The following GALNT13 variants were observed in gnomAD, a reference collection of about 807,000 sequenced individuals.
GALNT13 encodes UDP-GalNAc:polypeptide N-acetylgalactosaminyltransferase 13.
In GALNT13, 28 loss-of-function variants were observed where a neutral mutation model predicts 64.2. The ratio of observed to expected loss-of-function variants is 0.44; its 90% confidence interval spans 0.32 to 0.60. The LOEUF (loss-of-function observed/expected upper bound fraction) is 0.60. GALNT13 is among the 20% of genes least tolerant of loss of function. GALNT13 has a pLI of 0.05. For missense variants in GALNT13, 577 were observed against 669.8 expected, an observed-to-expected ratio of 0.86 and a Z score of 1.53; for synonymous variants, 214 against 224.6, an observed-to-expected ratio of 0.95 and a Z score of 0.42.
At chr2:154,098,136 T>C (rs1702166115) in intron 3 of GALNT13, among the ~76,000 whole-genome samples, 1 of 149,912 alleles carries the variant, frequency 6.7e-6, no homozygotes, top group South Asian at 2.1e-4. Flanking sequence ...AATCTTAATG[T>C]ATCTGGAATG....
chr2:153,565,480 G>A, the GALNT13 span, among the ~76,000 whole-genome samples: 2 of 152,120 alleles, frequency 1.3e-5, no homozygotes, highest in Non-Finnish European at 2.9e-5. Flanking sequence ...ATGTATATGC[G>A]TGTGTGTATG....
At chr2:153,606,872 T>C in the GALNT13 span, among the ~76,000 whole-genome samples, 1 of 151,928 alleles carries the variant, frequency 6.6e-6, no homozygotes, top group Non-Finnish European at 1.5e-5. Flanking sequence ...CAGGTTTTTT[T>C]TTTTTTTTTT....
the GALNT13 span, among the ~76,000 whole-genome samples, chr2:153,857,560 C>T: frequency 1.3e-5 from 2 of 152,156 alleles, no homozygotes; most frequent in Non-Finnish European, 2.9e-5. Flanking sequence ...GCTTTAACCA[C>T]TTAGATCAAA....
upstream of GALNT13, among the ~76,000 whole-genome samples, chr2:153,870,452 A>G (rs1188141541): frequency 2.0e-5 from 3 of 152,060 alleles, no homozygotes; most frequent in East Asian, 3.9e-4. Context: ...TCAGTATGCC[A>G]TGTAGAGGTG....
chr2:153,881,719 T>C (rs1686797840), intron 1 of GALNT13, among the ~76,000 whole-genome samples: 1 of 152,192 alleles, frequency 6.6e-6, no homozygotes, highest in Non-Finnish European at 1.5e-5. Context: ...CTCAAATAAT[T>C]TTGAACTTCA....
intron 3 of GALNT13, among the ~76,000 whole-genome samples, chr2:153,963,731 C>CTGTGTGTG (rs58455059): frequency 9.9e-5 from 10 of 100,850 alleles, no homozygotes; most frequent in Admixed American, 2.2e-4. Context: ...CTCTCTCTCT[C>CTGTGTGTG]TGTGTGTGTG....
chr2:153,107,008 T>C, the GALNT13 span, among the ~76,000 whole-genome samples: 4 of 152,278 alleles, frequency 2.6e-5, no homozygotes, highest in African/African-American at 9.6e-5. Flanking sequence ...AGTAGGTAAA[T>C]AGGTTTTCAA....
chr2:153,268,431 C>T, the GALNT13 span, among the ~76,000 whole-genome samples: 2 of 152,206 alleles, frequency 1.3e-5, no homozygotes, highest in African/African-American at 4.8e-5. Context: ...AAGCTCTGCC[C>T]CTGTGGCTTT....
At chr2:153,365,278 C>T in the GALNT13 span, among the ~76,000 whole-genome samples, 1 of 152,108 alleles carries the variant, frequency 6.6e-6, no homozygotes, top group Non-Finnish European at 1.5e-5. Context: ...AAACCCAAAA[C>T]CATAAATCCC....
intron 3 of GALNT13, among the ~76,000 whole-genome samples, chr2:154,041,572 C>G (rs1698978828): frequency 7.1e-6 from 1 of 140,570 alleles, no homozygotes; most frequent in African/African-American, 2.4e-5. Flanking sequence ...CATAAATTAT[C>G]TAGCTGGCTT....
At chr2:153,523,686 CACTT>C in the GALNT13 span, among the ~76,000 whole-genome samples, 2 of 152,294 alleles carry the variant, frequency 1.3e-5, no homozygotes, top group East Asian at 1.9e-4. Context: ...ATGCTGTAAT[CACTT>C]ACCAGTTTCA....
the GALNT13 span, among the ~76,000 whole-genome samples, chr2:153,293,264 G>T: frequency 2.7e-3 from 416 of 152,170 alleles, 1 homozygote; most frequent in Non-Finnish European, 5.1e-3. Context: ...CCTGAGTAAG[G>T]ACCTCAAGAT....
chr2:153,456,080 C>A, the GALNT13 span, among the ~76,000 whole-genome samples: 1 of 152,108 alleles, frequency 6.6e-6, no homozygotes, highest in Non-Finnish European at 1.5e-5. Flanking sequence ...GTTCCATCTA[C>A]CAGCTGAGTC....
the GALNT13 span, among the ~76,000 whole-genome samples, chr2:153,382,786 T>G: frequency 6.6e-6 from 1 of 152,024 alleles, no homozygotes; most frequent in Non-Finnish European, 1.5e-5. Flanking sequence ...AAATCTAAAT[T>G]TAACTTTTTT....
chr2:153,282,025 T>C, the GALNT13 span, among the ~76,000 whole-genome samples: 1 of 152,114 alleles, frequency 6.6e-6, no homozygotes, highest in Non-Finnish European at 1.5e-5. Flanking sequence ...TTTCCTTCTC[T>C]CTCATGAATG....
chr2:154,192,998 A>G (rs1686681678), intron 4 of GALNT13, among the ~76,000 whole-genome samples: 1 of 152,194 alleles, frequency 6.6e-6, no homozygotes, highest in South Asian at 2.1e-4. Context: ...TGAAAAAAAT[A>G]ATTAGAATAG....
chr2:154,381,181 C>G (rs139975197), intron 9 of GALNT13, among the ~76,000 whole-genome samples: 6 of 152,074 alleles, frequency 3.9e-5, no homozygotes, highest in African/African-American at 1.4e-4. Flanking sequence ...CTCTTTGCTA[C>G]AGAAAATAAT....
chr2:153,432,267 GAAC>G, the GALNT13 span, among the ~76,000 whole-genome samples: 3 of 152,116 alleles, frequency 2.0e-5, no homozygotes, highest in African/African-American at 4.8e-5. Context: ...CAAAGACTGT[GAAC>G]AACAACTCCA....
At chr2:153,453,901 T>A in the GALNT13 span, among the ~76,000 whole-genome samples, 1 of 152,128 alleles carries the variant, frequency 6.6e-6, no homozygotes, top group South Asian at 2.1e-4. Context: ...ATGAAGAAAA[T>A]GTAGTACATA....
Sources: allele counts gnomAD v4.1 joint callset (sites outside exome capture counted in the v4.1 genomes callset), GRCh38; gene constraint gnomAD v4.1.1; transcripts MANE v1.5; gene names NCBI Gene and HGNC (gene_info 2026-07-23, HGNC 2026-07-21).